Variants in XKR9 observed in about 807,000 individuals in gnomAD.
XKR9 encodes XK-related protein 9.
XKR9 carries 32 observed loss-of-function variants against 32.0 expected under a neutral mutation model. The ratio of observed to expected loss-of-function variants is 1.00; its 90% CI spans 0.76 to 1.34. XKR9 has a LOEUF of 1.34. Among genes scored for constraint, XKR9 ranks in the 40% most tolerant of loss-of-function variants. XKR9 has a pLI of 0.00. For synonymous variants in XKR9, 168 were observed against 143.4 expected, an observed-to-expected ratio of 1.17 and a Z score of -1.22; for missense variants, 546 against 429.7, an observed-to-expected ratio of 1.27 and a Z score of -2.39.
At chr8:70,710,048 T>A (rs1245395968) in intron 4 of XKR9, among the ~76,000 whole-genome samples, 7 of 152,096 alleles carry the variant, frequency 4.6e-5, no homozygotes, top group African/African-American at 1.7e-4. Context: ...CTATACTACA[T>A]GGCTACAGTA....
the XKR9 span, among the ~76,000 whole-genome samples, chr8:71,027,781 G>A: frequency 3.2e-4 from 11 of 33,896 alleles, no homozygotes; most frequent in Non-Finnish European, 7.1e-4. Flanking sequence ...TTTTTTGGCG[G>A]GGGGGGGGGG....
chr8:70,735,620 C>T lies in XKR9; in HGVS notation c.*1196C>T, dbSNP rs1379327925. 1.8e-5 allele frequency: 2 copies of T among 110,288 alleles called. No individual in the cohort carries two copies. The allele number at this position is 110,288 out of a possible 1,614,324, so 6.8% of individuals were successfully genotyped here. A position where few individuals can be genotyped will look rare whatever the true frequency, so the allele number is the denominator to read the frequency against. Reference sequence around the variant, plus strand: ...TAAAGCTATCCCTCCCCCCTCCCCCCACCCCACAACAGTCCCCAGAGTGTG... The same window carrying T: ...TAAAGCTATCCCTCCCCCCTCCCCCTACCCCACAACAGTCCCCAGAGTGTG... On this transcript the variant is annotated 3_prime_UTR_variant, in exon 5 of 5. Transcript: ENST00000408926.
At chr8:70,801,754 G>A in the XKR9 span, among the ~76,000 whole-genome samples, 1 of 152,140 alleles carries the variant, frequency 6.6e-6, no homozygotes, top group Non-Finnish European at 1.5e-5. Context: ...AATACTGTCA[G>A]TGGGGTGTGG....
the XKR9 span, among the ~76,000 whole-genome samples, chr8:70,884,493 A>G: frequency 6.6e-6 from 1 of 152,126 alleles, no homozygotes; most frequent in African/African-American, 2.4e-5. Context: ...TCTTCTAGCA[A>G]TTTTATAGTT....
chr8:70,943,054 A>G, the XKR9 span, among the ~76,000 whole-genome samples: 1 of 134,362 alleles, frequency 7.4e-6, no homozygotes, highest in African/African-American at 2.5e-5. Flanking sequence ...TGAAAATTGT[A>G]TTTTTATTAG....
intron 4 of XKR9, among the ~76,000 whole-genome samples, chr8:70,722,912 C>T (rs1806330697): frequency 6.6e-6 from 1 of 151,982 alleles, no homozygotes; most frequent in Non-Finnish European, 1.5e-5. Context: ...CTTCCATTCT[C>T]TTCATCATTT....
At chr8:70,895,835 A>AAG in the XKR9 span, among the ~76,000 whole-genome samples, 16 of 151,266 alleles carry the variant, frequency 1.1e-4, no homozygotes, top group African/African-American at 3.6e-4. Flanking sequence ...AAAAAAAAAA[A>AAG]AAAGAAAAAA....
At chr8:70,783,612 A>C (rs988923320) in intron 2 of XKR9, among the ~76,000 whole-genome samples, 1 of 152,120 alleles carries the variant, frequency 6.6e-6, no homozygotes, top group Non-Finnish European at 1.5e-5. Context: ...ATATTAACCA[A>C]TTATTGGATA....
downstream of XKR9, among the ~76,000 whole-genome samples, chr8:70,790,900 A>G (rs1807755692): frequency 1.3e-5 from 2 of 151,954 alleles, no homozygotes; most frequent in South Asian, 4.1e-4. Flanking sequence ...GCTTCCTTAT[A>G]AATGGTGCCT....
the XKR9 span, among the ~76,000 whole-genome samples, chr8:70,850,601 G>A: frequency 6.6e-6 from 1 of 152,022 alleles, no homozygotes; most frequent in Non-Finnish European, 1.5e-5. Flanking sequence ...AATCAAGTTG[G>A]TTTTGTCCCT....
chr8:71,021,967 G>T, the XKR9 span, among the ~76,000 whole-genome samples: 1 of 152,174 alleles, frequency 6.6e-6, no homozygotes, highest in Non-Finnish European at 1.5e-5. Context: ...ATAGTTTGAG[G>T]TCTTACATTA....
At chr8:70,707,358 G>A (rs1805757971) in intron 4 of XKR9, among the ~76,000 whole-genome samples, 1 of 151,898 alleles carries the variant, frequency 6.6e-6, no homozygotes, top group South Asian at 2.1e-4. Flanking sequence ...AACTGCTATT[G>A]TTAGTTATTT....
At chr8:70,777,719 A>AT (rs1164111744) in intron 2 of XKR9, among the ~76,000 whole-genome samples, 1 of 151,724 alleles carries the variant, frequency 6.6e-6, no homozygotes, top group African/African-American at 2.4e-5. Flanking sequence ...GATGATGAGC[A>AT]TTTTTTTCAT....
chr8:70,863,107 G>A, the XKR9 span, among the ~76,000 whole-genome samples: 14 of 152,286 alleles, frequency 9.2e-5, no homozygotes, highest in African/African-American at 3.4e-4. Flanking sequence ...AGGAGCCAGA[G>A]AGACTAGAGC....
At chr8:70,858,412 G>C in the XKR9 span, among the ~76,000 whole-genome samples, 1 of 151,932 alleles carries the variant, frequency 6.6e-6, no homozygotes, top group Non-Finnish European at 1.5e-5. Flanking sequence ...CTTACAAGAG[G>C]TGTGAAGGAT....
chr8:70,832,176 A>G, the XKR9 span, among the ~76,000 whole-genome samples: 1 of 152,170 alleles, frequency 6.6e-6, no homozygotes, highest in Non-Finnish European at 1.5e-5. Context: ...CTGTGAGCTC[A>G]TTCTTATAGA....
At chr8:70,993,638 C>CT in the XKR9 span, among the ~76,000 whole-genome samples, 1 of 149,800 alleles carries the variant, frequency 6.7e-6, no homozygotes. Flanking sequence ...TCCTTCCTTC[C>CT]TTCCTTCCTT....
At chr8:70,772,918 G>C (rs1272177154) in intron 2 of XKR9, among the ~76,000 whole-genome samples, 1 of 152,120 alleles carries the variant, frequency 6.6e-6, no homozygotes, top group Non-Finnish European at 1.5e-5. Flanking sequence ...AGCATTGTTG[G>C]TTTCAGTCGA....
chr8:70,821,863 C>G, the XKR9 span, among the ~76,000 whole-genome samples: 1 of 152,172 alleles, frequency 6.6e-6, no homozygotes, highest in African/African-American at 2.4e-5. Flanking sequence ...ATGGGAGGGG[C>G]TGCCGTGAAG....
Sources: gnomAD v4.1 joint callset for allele counts (sites outside exome capture counted in the v4.1 genomes callset) on GRCh38, gnomAD v4.1.1 for gene constraint, MANE v1.5 for transcripts, NCBI Gene and HGNC (gene_info 2026-07-23, HGNC 2026-07-21) for gene names.